Variants in DOCK3 observed in about 807,000 individuals in gnomAD.
The protein encoded by DOCK3 is dedicator of cytokinesis protein 3.
In DOCK3, 60 loss-of-function variants were observed where a neutral mutation model predicts 265.6. The observed-to-expected ratio is 0.23, with a 90% CI of 0.18 to 0.28. The LOEUF (loss-of-function observed/expected upper bound fraction) is 0.28. Among genes scored for constraint, DOCK3 ranks in the 10% least tolerant of loss-of-function variants. The pLI is 1.00. For missense variants in DOCK3, 1,981 were observed against 2,594.3 expected (o/e 0.76, Z 5.14); for synonymous variants, 881 against 938.0 (o/e 0.94, Z 1.11).
chr3:51,338,894 T>G, intron 36 of DOCK3, 41 bp from the exon 37 acceptor site: 1 of 1,534,264 alleles, frequency 6.5e-7, no homozygotes, highest in Non-Finnish European at 8.9e-7. Flanking sequence ...GGCTATGGCT[T>G]CCACAGGTAG....
At position 50,891,907 on chromosome 3, in the gene DOCK3, C is replaced by A. The variant is rs2355706; in HGVS notation, c.218+1826C>A. On this transcript the variant is annotated intron_variant, in intron 4 of 52. Transcript: ENST00000266037. ...GGGAGCACTTTGCTAGCAGAAGAATCCCTACCTGGATTCAGTTTGCCTCAG... is the reference window on the plus strand; with the variant it reads ...GGGAGCACTTTGCTAGCAGAAGAATACCTACCTGGATTCAGTTTGCCTCAG... 3.2e-3 allele frequency among the ~76,000 whole-genome samples: 488 copies of A among 152,166 alleles called. 7 individuals carry two copies. Among genetic ancestry groups the A allele is most frequent in the African/African-American group, 0.011 (446 of 41,534 alleles).
chr3:51,203,919 A>G (rs1252972411), intron 12 of DOCK3, among the ~76,000 whole-genome samples: 1 of 152,216 alleles, frequency 6.6e-6, no homozygotes, highest in African/African-American at 2.4e-5. Context: ...TGGGGAAAGG[A>G]TTCCCTATTT....
chr3:51,338,965 G>A lies in DOCK3; in HGVS notation c.3703G>A (p.Glu1235Lys). The A allele has an allele frequency of 1.9e-6, 3 of 1,611,392 alleles. No individual in the cohort carries two copies. Among genetic ancestry groups the A allele is most frequent in the Non-Finnish European group, 1.7e-6 (2 of 1,178,670 alleles). The change falls in exon 37 of 53, where the codon GAA (glutamate) becomes AAA (lysine). Residue 1235 changes from glutamate (E) to lysine (K), a missense_variant. Around this residue, in one of 4 missense-constraint regions of DOCK3, gnomAD observed 1,357 missense variants for 1,866.8 expected, o/e 0.73. Coordinates refer to ENST00000266037, the MANE Select transcript of DOCK3 (RefSeq NM_004947.5). ...TTACAAATCTGAGATTAACAAGGAA[G>A]AAATGTATATCCGCTACATCCATAA... ...NFYKSEINKE[E>K]MYIRYIHKLC...
intron 4 of DOCK3, among the ~76,000 whole-genome samples, chr3:50,895,075 CT>C (rs1160042747): frequency 3.3e-5 from 5 of 151,868 alleles, no homozygotes; most frequent in African/African-American, 7.3e-5. Context: ...ATTTTAATGG[CT>C]TTTTTTCTTT....
At chr3:51,123,949 C>T (rs961729278) in intron 9 of DOCK3, among the ~76,000 whole-genome samples, 16 of 152,188 alleles carry the variant, frequency 1.1e-4, no homozygotes, top group Non-Finnish European at 2.4e-4. Flanking sequence ...TTCTGTGCCC[C>T]AAGCTCCTGG....
At chr3:50,936,068 C>T (rs1436402667) in intron 5 of DOCK3, among the ~76,000 whole-genome samples, 1 of 151,878 alleles carries the variant, frequency 6.6e-6, no homozygotes, top group Non-Finnish European at 1.5e-5. Flanking sequence ...ACTCTTGAAA[C>T]AAACAAAAAC....
intron 5 of DOCK3, among the ~76,000 whole-genome samples, chr3:50,939,900 G>T (rs916682835): frequency 1.3e-5 from 2 of 152,050 alleles, no homozygotes; most frequent in Non-Finnish European, 2.9e-5. Context: ...CAGATAGAAA[G>T]GAATAAATAA....
intron 21 of DOCK3, among the ~76,000 whole-genome samples, chr3:51,244,328 T>C (rs1168820581): frequency 6.6e-6 from 1 of 152,186 alleles, no homozygotes; most frequent in Non-Finnish European, 1.5e-5. Flanking sequence ...AACCTTCTAA[T>C]TAATGAATAT....
At chr3:51,254,337 T>C (rs1434329725) in intron 22 of DOCK3, among the ~76,000 whole-genome samples, 1 of 152,246 alleles carries the variant, frequency 6.6e-6, no homozygotes, top group Admixed American at 6.5e-5. Context: ...GAAGAATGTA[T>C]ATTCTTTTGA....
At chr3:50,699,376 A>G (rs746207533) in intron 1 of DOCK3, among the ~76,000 whole-genome samples, 2 of 151,930 alleles carry the variant, frequency 1.3e-5, no homozygotes, top group Non-Finnish European at 2.9e-5. Flanking sequence ...TTATTTTTCA[A>G]TATTATTTTG....
intron 4 of DOCK3, among the ~76,000 whole-genome samples, chr3:50,908,767 A>G (rs1575503801): frequency 6.6e-6 from 1 of 151,880 alleles, no homozygotes; most frequent in Non-Finnish European, 1.5e-5. Flanking sequence ...GGTCCTTAAT[A>G]TCTTTGTTAA....
intron 5 of DOCK3, among the ~76,000 whole-genome samples, chr3:50,987,105 A>G (rs1189278592): frequency 2.0e-5 from 3 of 152,242 alleles, no homozygotes; most frequent in Non-Finnish European, 4.4e-5. Context: ...AAAGGGCCAC[A>G]TGACAAGGGA....
At chr3:51,190,108 C>A (rs935668055) in intron 12 of DOCK3, among the ~76,000 whole-genome samples, 4 of 152,170 alleles carry the variant, frequency 2.6e-5, no homozygotes, top group African/African-American at 9.7e-5. Flanking sequence ...GGAAACTTCC[C>A]ACCATTGGAA....
intron 5 of DOCK3, among the ~76,000 whole-genome samples, chr3:50,944,852 C>G (rs1000264583): frequency 6.6e-6 from 1 of 152,110 alleles, no homozygotes; most frequent in African/African-American, 2.4e-5. Context: ...CCCAGCTATT[C>G]AGGAGGCTGA....
intron 9 of DOCK3, among the ~76,000 whole-genome samples, chr3:51,123,130 G>A (rs149897517): frequency 6.6e-6 from 1 of 152,182 alleles, no homozygotes; most frequent in Non-Finnish European, 1.5e-5. Context: ...TAACCAGTCC[G>A]TAGCTTCATT....
intron 9 of DOCK3, among the ~76,000 whole-genome samples, chr3:51,103,285 A>T (rs73833983): frequency 1.3e-5 from 2 of 152,322 alleles, no homozygotes; most frequent in African/African-American, 4.8e-5. Context: ...CTGTGCTACA[A>T]TGAGACTACA....
At chr3:51,250,720 G>A (rs1315599601) in intron 22 of DOCK3, among the ~76,000 whole-genome samples, 1 of 152,198 alleles carries the variant, frequency 6.6e-6, no homozygotes, top group Non-Finnish European at 1.5e-5. Context: ...TTCAGATCAA[G>A]GATTTGGGAA....
In DOCK3 at chr3:50,869,342, ATTTTTTTTTT is replaced by A. The variant is rs755531254; in HGVS notation, c.163-20645_163-20636del. Among the ~76,000 whole-genome samples the A allele has an allele frequency of 4.3e-5, 3 of 70,106 alleles. 1 individual carries two copies. Among genetic ancestry groups the A allele is most frequent in the African/African-American group, 1.3e-4 (2 of 15,142 alleles). The allele number at this position is 70,106 out of a possible 152,430, so 46.0% of individuals were successfully genotyped here. ...TCAATTTTATTTATTTCTGCTGGGA[ATTTTTTTTTT>A]TTTTTTTTTTTTTTTTTTTTTTTTT... On this transcript the variant is annotated intron_variant, in intron 3 of 52. Transcript: ENST00000266037.
At chr3:50,902,889 T>C (rs1241771357) in intron 4 of DOCK3, among the ~76,000 whole-genome samples, 5 of 152,226 alleles carry the variant, frequency 3.3e-5, no homozygotes, top group Non-Finnish European at 7.3e-5. Context: ...GTCCTACACC[T>C]GTCTGGTTAG....
Sources: allele counts gnomAD v4.1 joint callset (sites outside exome capture counted in the v4.1 genomes callset), GRCh38; gene constraint gnomAD v4.1.1; regional missense constraint gnomAD v4.1.1; transcripts MANE v1.5; gene names NCBI Gene and HGNC (gene_info 2026-07-23, HGNC 2026-07-21).